Variants in STAG1 observed in about 807,000 individuals in gnomAD.
The protein encoded by STAG1 is STAG1 cohesin complex component.
Under a neutral mutation model 170.9 loss-of-function variants are expected in STAG1, and 26 were observed. The observed-to-expected ratio is 0.15, with a 90% CI of 0.11 to 0.21. The LOEUF is 0.21. Ranked by LOEUF, STAG1 falls within the 10% of genes least tolerant of loss-of-function variation. The probability of loss-of-function intolerance (pLI) is 1.00; values close to 1 mark genes in which losing one functional copy is unlikely to be tolerated. For missense variants in STAG1, 964 were observed against 1,509.5 expected (o/e 0.64, Z 5.99); for synonymous variants, 514 against 497.7 (o/e 1.03, Z -0.44).
rs369798299 is a variant in STAG1, at chr3:136,355,742, A to G, written c.3065+1978T>C. On this transcript the variant is annotated intron_variant, in intron 28 of 33. Coordinates refer to ENST00000383202, the MANE Select transcript of STAG1 (RefSeq NM_005862.3). ...ATAATACAATGCATGATCTCTGACC[A>G]CAATGAAATGAAGAAATCAGTAAGA... is the stretch of plus-strand genomic sequence containing the variant. 6.4e-4 allele frequency among the ~76,000 whole-genome samples: 98 copies of G among 152,360 alleles called. 1 individual carries two copies. In the South Asian group the frequency reaches 0.02, roughly 31 times the overall value.
chr3:136,654,571 G>T (rs1320972022), intron 1 of STAG1, among the ~76,000 whole-genome samples: 1 of 152,192 alleles, frequency 6.6e-6, no homozygotes, highest in East Asian at 1.9e-4. Context: ...GCAGTCTGCA[G>T]ATTCAATGCA....
intron 3 of STAG1, among the ~76,000 whole-genome samples, chr3:136,612,659 G>C (rs1249738528): frequency 1.3e-5 from 2 of 152,122 alleles, no homozygotes; most frequent in African/African-American, 4.8e-5. Context: ...TCTCCAGCCT[G>C]AACAACAGAG....
chr3:136,695,867 C>CG, intron 1 of STAG1, among the ~76,000 whole-genome samples: 1 of 69,536 alleles, frequency 1.4e-5, no homozygotes. Flanking sequence ...AGTTCTGGGG[C>CG]GGGGGGATGG....
intron 21 of STAG1, among the ~76,000 whole-genome samples, chr3:136,411,500 G>A (rs2087622981): frequency 6.6e-6 from 1 of 152,124 alleles, no homozygotes; most frequent in African/African-American, 2.4e-5. Context: ...ATTCTGAAAT[G>A]TGTGCTTTTC....
intron 16 of STAG1, chr3:136,429,985 T>C (rs1174006636): frequency 6.6e-6 from 1 of 152,248 alleles, no homozygotes; most frequent in Non-Finnish European, 1.5e-5. Flanking sequence ...TGTTAACAGC[T>C]TTAAGGCTTC....
chr3:136,711,439 C>T (rs961487097), intron 1 of STAG1, among the ~76,000 whole-genome samples: 4 of 151,926 alleles, frequency 2.6e-5, no homozygotes, highest in South Asian at 2.1e-4. Flanking sequence ...CTCACACCTA[C>T]GGTCCCAGCT....
intron 32 of STAG1, among the ~76,000 whole-genome samples, chr3:136,339,672 C>T (rs1935862386): frequency 6.6e-6 from 1 of 152,182 alleles, no homozygotes; most frequent in Non-Finnish European, 1.5e-5. Flanking sequence ...AGTCTTGTTC[C>T]ACTGAGTCTC....
intron 6 of STAG1, among the ~76,000 whole-genome samples, chr3:136,524,111 GT>G (rs775524472): frequency 2.0e-5 from 3 of 152,140 alleles, no homozygotes; most frequent in Non-Finnish European, 4.4e-5. Context: ...CTTTAAAGTA[GT>G]TTTTTCCACT....
chr3:136,463,783 A>ACACACACACG (rs1553725830), intron 13 of STAG1, among the ~76,000 whole-genome samples: 2 of 135,204 alleles, frequency 1.5e-5, no homozygotes, highest in Non-Finnish European at 3.3e-5. Flanking sequence ...ACACACACAC[A>ACACACACACG]CACACACATA....
intron 5 of STAG1, among the ~76,000 whole-genome samples, chr3:136,554,862 C>A (rs1936543489): frequency 6.6e-6 from 1 of 151,982 alleles, no homozygotes; most frequent in African/African-American, 2.4e-5. Context: ...TGACTCCACT[C>A]CAGCCTGGGT....
intron 7 of STAG1, among the ~76,000 whole-genome samples, chr3:136,514,578 T>C (rs528576223): frequency 6.6e-6 from 1 of 152,272 alleles, no homozygotes; most frequent in African/African-American, 2.4e-5. Context: ...ACTCAAAGGA[T>C]TATAAATCAT....
intron 23 of STAG1, among the ~76,000 whole-genome samples, chr3:136,376,008 A>ATAAATAAATAAATAAT (rs1360664834): frequency 4.5e-5 from 6 of 133,278 alleles, no homozygotes; most frequent in African/African-American, 1.7e-4. Flanking sequence ...AAATAAATAA[A>ATAAATAAATAAATAAT]TAATTAACAA....
intron 4 of STAG1, among the ~76,000 whole-genome samples, chr3:136,601,544 G>C (rs1252393939): frequency 2.6e-5 from 4 of 152,204 alleles, no homozygotes; most frequent in Admixed American, 1.3e-4. Flanking sequence ...GCTGGGTGTG[G>C]TGGCTCATGC....
At chr3:136,445,005 A>C (rs1022680356) in intron 14 of STAG1, among the ~76,000 whole-genome samples, 7 of 145,234 alleles carry the variant, frequency 4.8e-5, no homozygotes, top group African/African-American at 1.8e-4. Context: ...GGACTATAGG[A>C]GTGTGCTACC....
Position 136,336,489 on chromosome 3 carries a change from C to T in STAG1, c.*1765G>A, listed in dbSNP as rs904804190. ...CTGTTTTCCATACAAGACTGTCACG[C>T]AAAGGATCAATTTGTGCATGTGCCA... On this transcript the variant is annotated 3_prime_UTR_variant, in exon 34 of 34. Coordinates refer to ENST00000383202, the MANE Select transcript of STAG1 (RefSeq NM_005862.3). 3 of 152,240 alleles carry T rather than the reference C, an allele frequency of 2.0e-5. No individual in the cohort carries two copies. Among genetic ancestry groups the T allele is most frequent in the African/African-American group, 7.2e-5 (3 of 41,448 alleles). The allele number at this position is 152,240 out of a possible 1,614,324, so 9.4% of individuals were successfully genotyped here. A position where few individuals can be genotyped will look rare whatever the true frequency, so the allele number is the denominator to read the frequency against.
In STAG1 at chr3:136,403,646, GAA is replaced by G. The variant is rs2087400821; in HGVS notation, c.2197-4819_2197-4818del. Among the ~76,000 whole-genome samples the G allele has an allele frequency of 2.6e-5, 4 of 152,232 alleles. No individual in the cohort carries two copies. In the South Asian group the frequency reaches 8.3e-4, roughly 32 times the overall value. The stretch of plus-strand genomic sequence containing the variant: ...TAGTAATCAATGGGAAATTAAGCTG[GAA>G]AAGAGTAATGTTGAAGAATTGCTTT... On this transcript the variant is annotated intron_variant, in intron 21 of 33. Transcript: ENST00000383202.
At chr3:136,587,341 A>G (rs1204774704) in intron 4 of STAG1, among the ~76,000 whole-genome samples, 1 of 152,100 alleles carries the variant, frequency 6.6e-6, no homozygotes, top group African/African-American at 2.4e-5. Flanking sequence ...GGAGTATGAG[A>G]CTAGTCTGGC....
intron 12 of STAG1, among the ~76,000 whole-genome samples, chr3:136,467,709 C>T (rs1177683543): frequency 6.6e-6 from 1 of 152,122 alleles, no homozygotes; most frequent in African/African-American, 2.4e-5. Flanking sequence ...AATATACATT[C>T]TTCTCAGCAC....
chr3:136,451,182 AC>A (rs1353070535), intron 14 of STAG1, among the ~76,000 whole-genome samples: 7 of 150,060 alleles, frequency 4.7e-5, no homozygotes, highest in African/African-American at 1.5e-4. Context: ...AAAAAAAAAA[AC>A]CCACACCATT....
Sources: allele counts gnomAD v4.1 joint callset (sites outside exome capture counted in the v4.1 genomes callset), GRCh38; gene constraint gnomAD v4.1.1; transcripts MANE v1.5; gene names NCBI Gene and HGNC (gene_info 2026-07-23, HGNC 2026-07-21).